The following OSBPL6 variants were observed in gnomAD, a reference collection of about 807,000 sequenced individuals.
OSBPL6 encodes oxysterol-binding protein-related protein 6.
Under a neutral mutation model 125.8 loss-of-function variants are expected in OSBPL6, and 49 were observed. That is an observed-to-expected ratio of 0.39 (90% CI 0.31 to 0.49). The LOEUF is 0.49. Among genes scored for constraint, OSBPL6 ranks in the 20% least tolerant of loss-of-function variants. OSBPL6 has a pLI of 0.88. For missense variants in OSBPL6, 986 were observed against 1,135.4 expected, an observed-to-expected ratio of 0.87 and a Z score of 1.89; for synonymous variants, 394 against 391.8, an observed-to-expected ratio of 1.01 and a Z score of -0.07.
intron 4 of OSBPL6, among the ~76,000 whole-genome samples, chr2:178,327,779 C>G (rs1308757578): frequency 1.3e-5 from 2 of 151,800 alleles, no homozygotes; most frequent in African/African-American, 2.4e-5. Context: ...CAGCCGTGAC[C>G]ACAGCGCTGT....
At chr2:178,374,249 T>A (rs1194994709) in intron 15 of OSBPL6, among the ~76,000 whole-genome samples, 1 of 152,200 alleles carries the variant, frequency 6.6e-6, no homozygotes, top group Non-Finnish European at 1.5e-5. Context: ...TTAAATTTGA[T>A]GAATTAAGGG....
At chr2:178,220,921 T>A (rs2090312119) in intron 1 of OSBPL6, among the ~76,000 whole-genome samples, 1 of 151,870 alleles carries the variant, frequency 6.6e-6, no homozygotes, top group South Asian at 2.1e-4. Flanking sequence ...ATGGCTGGAG[T>A]GTGGCTGAGC....
intron 1 of OSBPL6, among the ~76,000 whole-genome samples, chr2:178,258,896 C>A (rs2091970543): frequency 6.6e-6 from 1 of 151,774 alleles, no homozygotes. Flanking sequence ...TTTTTTTAAT[C>A]AGGAATATAA....
At position 178,384,073 on chromosome 2, in the gene OSBPL6, G is replaced by A. The variant is rs768720607; in HGVS notation, c.1910G>A (p.Cys637Tyr). 8.7e-6 allele frequency: 14 copies of A among 1,614,054 alleles called. No homozygotes were observed. Among genetic ancestry groups the A allele is most frequent in the African/African-American group, 2.7e-5 (2 of 75,028 alleles). ...GCCGCATTTGCAGTTTCAGGATACT[G>A]CTCCACCTATTTCAGAGCAGGAAGT... Reference protein sequence around the residue: ...LVAAFAVSGYCSTYFRAGSKP... With the variant: ...LVAAFAVSGYYSTYFRAGSKP... Residue 637 changes from cysteine to tyrosine, a missense_variant, in exon 18 of 25, where the codon TGC becomes TAC. Physicochemically the swap from Cys to Tyr is radical, Grantham distance 194. Transcript: ENST00000190611.
intron 1 of OSBPL6, among the ~76,000 whole-genome samples, chr2:178,280,320 G>C (rs1051967959): frequency 1.1e-4 from 17 of 152,190 alleles, no homozygotes; most frequent in Non-Finnish European, 2.5e-4. Context: ...ATATAAACCT[G>C]TATGTCCTAA....
At chr2:178,351,697 G>A (rs1691272274) in intron 12 of OSBPL6, among the ~76,000 whole-genome samples, 1 of 152,228 alleles carries the variant, frequency 6.6e-6, no homozygotes, top group South Asian at 2.1e-4. Flanking sequence ...CATGAACATG[G>A]ATGGAGCTAG....
At chr2:178,253,502 A>AATTAT in intron 1 of OSBPL6, among the ~76,000 whole-genome samples, 1 of 152,218 alleles carries the variant, frequency 6.6e-6, no homozygotes, top group African/African-American at 2.4e-5. Context: ...TGCCTTGTTA[A>AATTAT]TAATTCAGTG....
intron 1 of OSBPL6, among the ~76,000 whole-genome samples, chr2:178,231,078 G>T (rs2090796804): frequency 6.6e-6 from 1 of 152,096 alleles, no homozygotes; most frequent in African/African-American, 2.4e-5. Flanking sequence ...CAGAAGAAAG[G>T]AGAGAGGAGA....
chr2:178,296,336 T>C (rs1430554895), intron 2 of OSBPL6, among the ~76,000 whole-genome samples: 1 of 152,322 alleles, frequency 6.6e-6, no homozygotes, highest in Non-Finnish European at 1.5e-5. Context: ...ATCCCTGTTT[T>C]ATAGATGAGG....
At position 178,397,930 on chromosome 2, in the gene OSBPL6, C is replaced by G. The variant is rs995440429; in HGVS notation, c.*2371C>G. The G allele has an allele frequency of 1.3e-5, 2 of 152,212 alleles. No individual in the cohort carries two copies. Among genetic ancestry groups the G allele is most frequent in the Non-Finnish European group, 2.9e-5 (2 of 68,042 alleles). 9.4% of individuals were successfully genotyped at this position (152,212 alleles called of 1,614,324 possible). On this transcript the variant is annotated 3_prime_UTR_variant, in exon 25 of 25. Coordinates refer to ENST00000190611, the MANE Select transcript of OSBPL6 (RefSeq NM_032523.4). ...AGAAAAATGTCTATTAAAATCACTA[C>G]ATTTGATAATATCTCAGATTTAGAA...
chr2:178,290,394 T>G (rs1685131661), intron 2 of OSBPL6, among the ~76,000 whole-genome samples: 1 of 151,750 alleles, frequency 6.6e-6, no homozygotes, highest in Non-Finnish European at 1.5e-5. Context: ...AAAAAAATAT[T>G]TGTTATGTTT....
chr2:178,231,894 T>G (rs943216966), intron 1 of OSBPL6, among the ~76,000 whole-genome samples: 9 of 152,126 alleles, frequency 5.9e-5, no homozygotes, highest in Admixed American at 2.0e-4. Flanking sequence ...GAACTCCTGG[T>G]CTAGCATCCT....
rs1695987343 is a variant in OSBPL6 at position 178,398,540 on chromosome 2, A to G, written c.*2981A>G. 1 of 152,064 alleles carries G rather than the reference A, an allele frequency of 6.6e-6. No homozygotes were observed. Among genetic ancestry groups the G allele is most frequent in the Non-Finnish European group, 1.5e-5 (1 of 68,006 alleles). The allele number at this position is 152,064 out of a possible 1,614,324, so 9.4% of individuals were successfully genotyped here. A position where few individuals can be genotyped will look rare whatever the true frequency, so the allele number is the denominator to read the frequency against. On this transcript the variant is annotated 3_prime_UTR_variant, in exon 25 of 25. Coordinates refer to ENST00000190611, the MANE Select transcript of OSBPL6 (RefSeq NM_032523.4). ...ATTTACTCTCTTTTGCTGTTATTTT[A>G]TTGTTTTTCTTAAATTAAGCCATTG...
intron 1 of OSBPL6, among the ~76,000 whole-genome samples, chr2:178,234,926 CT>C (rs1166308463): frequency 6.6e-6 from 1 of 152,132 alleles, no homozygotes; most frequent in African/African-American, 2.4e-5. Flanking sequence ...GCCTTGGGTC[CT>C]TTTTCTTCTT....
chr2:178,381,852 T>C (rs1694508530), intron 15 of OSBPL6, among the ~76,000 whole-genome samples: 1 of 152,224 alleles, frequency 6.6e-6, no homozygotes, highest in East Asian at 1.9e-4. Context: ...CCCTCTTGTT[T>C]TCTCTCCCCT....
intron 12 of OSBPL6, among the ~76,000 whole-genome samples, chr2:178,357,933 A>G (rs970752995): frequency 6.6e-5 from 10 of 152,354 alleles, no homozygotes; most frequent in African/African-American, 2.4e-4. Context: ...TGTCCTTTGC[A>G]GGGACATGGA....
chr2:178,385,594 C>G (rs1694871181), intron 19 of OSBPL6, 73 bp downstream of exon 19: 7 of 1,142,126 alleles, frequency 6.1e-6, no homozygotes, highest in African/African-American at 4.6e-5. Context: ...CAAAGGGACA[C>G]TGTATTCAGT....
intron 1 of OSBPL6, chr2:178,230,410 T>A (rs931485986): frequency 1.3e-5 from 2 of 152,244 alleles, no homozygotes; most frequent in Non-Finnish European, 2.9e-5. Context: ...TTAACCTTGA[T>A]TTTATTATTT....
intron 11 of OSBPL6, among the ~76,000 whole-genome samples, chr2:178,347,259 G>T (rs1420548433): frequency 6.6e-6 from 1 of 152,104 alleles, no homozygotes; most frequent in Non-Finnish European, 1.5e-5. Context: ...TCCAAGCCAT[G>T]TGAGTCCTCA....
Sources: allele counts gnomAD v4.1 joint callset (sites outside exome capture counted in the v4.1 genomes callset), GRCh38; gene constraint gnomAD v4.1.1; transcripts MANE v1.5; gene names NCBI Gene and HGNC (gene_info 2026-07-23, HGNC 2026-07-21).